The following PAK2 variants were observed in gnomAD, a reference collection of about 807,000 sequenced individuals.
PAK2 encodes p21 (RAC1) activated kinase 2.
PAK2 carries 21 observed loss-of-function variants against 65.9 expected under a neutral mutation model. The ratio of observed to expected loss-of-function variants is 0.32; its 90% CI spans 0.23 to 0.46. PAK2 has a LOEUF of 0.46. Among genes scored for constraint, PAK2 ranks in the 20% least tolerant of loss-of-function variants. PAK2 has a pLI of 1.00. For missense variants in PAK2, 324 were observed against 642.6 expected, an observed-to-expected ratio of 0.50 and a Z score of 5.36; for synonymous variants, 204 against 219.7, an observed-to-expected ratio of 0.93 and a Z score of 0.63.
intron 13 of PAK2, among the ~76,000 whole-genome samples, chr3:196,825,439 T>G (rs7641143): frequency 6.6e-6 from 1 of 151,328 alleles, no homozygotes; most frequent in Admixed American, 6.6e-5. Flanking sequence ...GTTGGGAGTT[T>G]AAGACCAGCC....
chr3:196,744,010 G>A (rs190432754), intron 1 of PAK2, among the ~76,000 whole-genome samples: 404 of 152,298 alleles, frequency 2.7e-3, no homozygotes, highest in South Asian at 4.6e-3. Context: ...ATATGTAATA[G>A]TTTCACCACT....
intron 8 of PAK2, among the ~76,000 whole-genome samples, chr3:196,811,574 A>G (rs1447160536): frequency 6.6e-6 from 1 of 150,820 alleles, no homozygotes; most frequent in African/African-American, 2.4e-5. Context: ...GCTAAATTCA[A>G]TTGCAGCACT....
chr3:196,822,937 C>T (rs575463496), intron 13 of PAK2, among the ~76,000 whole-genome samples: 9 of 152,212 alleles, frequency 5.9e-5, no homozygotes, highest in East Asian at 1.9e-4. Context: ...GCGAGAGGTG[C>T]GGTCGATCGG....
chr3:196,762,336 C>G (rs1462696528), intron 1 of PAK2, among the ~76,000 whole-genome samples: 2 of 137,660 alleles, frequency 1.5e-5, no homozygotes, highest in African/African-American at 2.6e-5. Flanking sequence ...TTTGGGAGGC[C>G]AAGGCAGGCG....
intron 1 of PAK2, among the ~76,000 whole-genome samples, chr3:196,761,770 CT>C (rs1231361907): frequency 1.4e-5 from 2 of 146,938 alleles, no homozygotes; most frequent in Non-Finnish European, 3.0e-5. Context: ...GACGGGGCGG[CT>C]GGCCGGGCGG....
At chr3:196,805,227 C>T (rs1276713641) in intron 4 of PAK2, 125 bp from the exon 5 acceptor site, 7 of 594,358 alleles carry the variant, frequency 1.2e-5, no homozygotes, top group Non-Finnish European at 2.1e-5. Context: ...TCATTTTTCT[C>T]AAGAGTTAAT....
At chr3:196,762,793 C>A (rs1388002008) in intron 1 of PAK2, among the ~76,000 whole-genome samples, 4 of 108,960 alleles carry the variant, frequency 3.7e-5, no homozygotes, top group African/African-American at 1.3e-4. Flanking sequence ...GAAACTCCGT[C>A]TCAAAAAAAA....
chr3:196,806,955 G>A (rs1330599396), intron 6 of PAK2, among the ~76,000 whole-genome samples: 2 of 152,164 alleles, frequency 1.3e-5, no homozygotes, highest in Admixed American at 6.6e-5. Flanking sequence ...CAGAGGGTTC[G>A]TCTATTTCCC....
intron 1 of PAK2, among the ~76,000 whole-genome samples, chr3:196,767,815 A>G (rs1187340674): frequency 6.6e-6 from 1 of 151,404 alleles, no homozygotes; most frequent in East Asian, 1.9e-4. Context: ...TTTTATTTGT[A>G]AATACTTGAT....
intron 7 of PAK2, among the ~76,000 whole-genome samples, chr3:196,808,557 C>CAAAAAAAAAAAAAAAAAAAAAAAAA (rs1208200034): frequency 5.3e-5 from 3 of 56,570 alleles, no homozygotes; most frequent in African/African-American, 2.0e-4. Context: ...GACTCCATCT[C>CAAAAAAAAAAAAAAAAAAAAAAAAA]AAAAAAAAAA....
chr3:196,805,851 G>T (rs1464739402), intron 5 of PAK2, among the ~76,000 whole-genome samples: 2 of 151,044 alleles, frequency 1.3e-5, no homozygotes, highest in African/African-American at 4.9e-5. Context: ...TCAATTGGGA[G>T]GAAACAGTCT....
chr3:196,775,406 G>A (rs1034161611), intron 1 of PAK2, among the ~76,000 whole-genome samples: 3 of 151,732 alleles, frequency 2.0e-5, no homozygotes, highest in Non-Finnish European at 4.4e-5. Flanking sequence ...TTTTTGAGAC[G>A]GAATCTCACT....
intron 11 of PAK2, among the ~76,000 whole-genome samples, chr3:196,816,238 T>C (rs1463749261): frequency 4.6e-5 from 7 of 152,190 alleles, no homozygotes; most frequent in Non-Finnish European, 8.8e-5. Flanking sequence ...ATGATACATA[T>C]ATATTTCCCT....
chr3:196,740,832 C>T (rs1217439943), intron 1 of PAK2, among the ~76,000 whole-genome samples: 1 of 151,974 alleles, frequency 6.6e-6, no homozygotes, highest in Non-Finnish European at 1.5e-5. Flanking sequence ...GGTTTTTCAC[C>T]ATGTTTGGCT....
intron 8 of PAK2, 146 bp from the exon 9 acceptor site, chr3:196,812,073 A>G: frequency 2.0e-6 from 1 of 507,822 alleles, no homozygotes; most frequent in Non-Finnish European, 3.6e-6. Context: ...CCCTTTCCTC[A>G]GGTTTTTGCT....
chr3:196,754,668 TA>T (rs1164034819), intron 1 of PAK2, among the ~76,000 whole-genome samples: 2 of 152,236 alleles, frequency 1.3e-5, no homozygotes, highest in African/African-American at 4.8e-5. Context: ...GTTACTTCAC[TA>T]AACCTCCCAG....
chr3:196,793,622 T>C (rs1293055948), intron 2 of PAK2, among the ~76,000 whole-genome samples: 1 of 151,826 alleles, frequency 6.6e-6, no homozygotes, highest in African/African-American at 2.4e-5. Flanking sequence ...AAATAGACAG[T>C]GTAAGGAGAA....
At chr3:196,765,133 C>A (rs1445251059) in intron 1 of PAK2, among the ~76,000 whole-genome samples, 17 of 145,892 alleles carry the variant, frequency 1.2e-4, no homozygotes, top group African/African-American at 3.8e-4. Context: ...CATGAGCCAC[C>A]GTGCCCGGCC....
intron 1 of PAK2, among the ~76,000 whole-genome samples, chr3:196,774,512 G>A (rs1714473778): frequency 6.6e-6 from 1 of 152,178 alleles, no homozygotes; most frequent in Non-Finnish European, 1.5e-5. Context: ...GAAAGATTTG[G>A]TTGGGTAGAT....
Sources: allele counts gnomAD v4.1 joint callset (sites outside exome capture counted in the v4.1 genomes callset), GRCh38; gene constraint gnomAD v4.1.1; transcripts MANE v1.5; gene names NCBI Gene and HGNC (gene_info 2026-07-23, HGNC 2026-07-21).